PLEKHA7: variants seen among roughly 807,000 people sequenced by gnomAD.
PLEKHA7 encodes pleckstrin homology domain-containing family A member 7.
A neutral mutation model predicts 170.0 loss-of-function variants in PLEKHA7; 104 were observed. The observed-to-expected ratio is 0.61, with a 90% CI of 0.52 to 0.72. The LOEUF (loss-of-function observed/expected upper bound fraction) is 0.72, where lower values mean the gene tolerates loss of function less well. Among genes scored for constraint, PLEKHA7 ranks in the 30% least tolerant of loss-of-function variants. PLEKHA7 has a pLI of 0.00. For synonymous variants in PLEKHA7, 648 were observed against 660.8 expected, an observed-to-expected ratio of 0.98 and a Z score of 0.30; for missense variants, 1,615 against 1,671.7, an observed-to-expected ratio of 0.97 and a Z score of 0.59.
chr11:16,835,875 G>A (rs1048836995), intron 9 of PLEKHA7, among the ~76,000 whole-genome samples: 17 of 152,160 alleles, frequency 1.1e-4, no homozygotes, highest in Non-Finnish European at 2.2e-4. Flanking sequence ...TCTTTACCAT[G>A]TCCCAGTAAG....
intron 3 of PLEKHA7, among the ~76,000 whole-genome samples, chr11:16,990,018 A>C (rs558647552): frequency 1.3e-3 from 191 of 152,096 alleles, no homozygotes; most frequent in Non-Finnish European, 2.4e-3. Context: ...TGGAGACTAG[A>C]GGCTGAGCTG....
At chr11:16,914,639 G>T (rs1038675854) in intron 3 of PLEKHA7, among the ~76,000 whole-genome samples, 6 of 152,318 alleles carry the variant, frequency 3.9e-5, no homozygotes, top group African/African-American at 1.4e-4. Flanking sequence ...ATCCTGCAAA[G>T]AATTGGGACT....
chr11:16,998,842 GAA>G (rs5789967), intron 3 of PLEKHA7, among the ~76,000 whole-genome samples: 1 of 149,134 alleles, frequency 6.7e-6, no homozygotes, highest in Admixed American at 6.7e-5. Context: ...AAAATGTGTT[GAA>G]AAAAAAAAAT....
At chr11:16,850,394 T>TA (rs1483130785) in intron 8 of PLEKHA7, among the ~76,000 whole-genome samples, 4 of 152,198 alleles carry the variant, frequency 2.6e-5, no homozygotes, top group Non-Finnish European at 5.9e-5. Context: ...CAGTGCTCTC[T>TA]AGGACTTCCA....
chr11:16,975,627 T>C (rs773766260), intron 3 of PLEKHA7, among the ~76,000 whole-genome samples: 4 of 152,050 alleles, frequency 2.6e-5, no homozygotes, highest in African/African-American at 4.8e-5. Context: ...GAAAACTATA[T>C]AGTTAAGTGA....
At chr11:16,855,735 T>A (rs757362676) in intron 5 of PLEKHA7, 68 bp downstream of exon 5, 34 of 1,184,372 alleles carry the variant, frequency 2.9e-5, no homozygotes, top group Admixed American at 1.6e-4. Context: ...CAAATGGACT[T>A]CTGGTTACAA....
chr11:16,867,621 C>G (rs909819729), intron 4 of PLEKHA7, among the ~76,000 whole-genome samples: 1 of 152,214 alleles, frequency 6.6e-6, no homozygotes, highest in Non-Finnish European at 1.5e-5. Context: ...TCATGCCTCA[C>G]TCACCCTCCA....
intron 3 of PLEKHA7, among the ~76,000 whole-genome samples, chr11:16,905,353 T>A (rs1325516947): frequency 6.6e-6 from 1 of 152,240 alleles, no homozygotes; most frequent in African/African-American, 2.4e-5. Context: ...ATATGGCTGT[T>A]TTTCCCCTTT....
intron 4 of PLEKHA7, among the ~76,000 whole-genome samples, chr11:16,865,996 C>T (rs375752470): frequency 7.3e-5 from 11 of 151,650 alleles, no homozygotes; most frequent in Non-Finnish European, 1.2e-4. Flanking sequence ...CGCCACCACA[C>T]CAGGTTAATT....
chr11:16,789,677 C>A lies in PLEKHA7; in HGVS notation c.3156+98G>T. 1.8e-6 allele frequency: 2 copies of A among 1,127,332 alleles called. No individual in the cohort carries two copies. Among genetic ancestry groups the A allele is most frequent in the Admixed American group, 4.2e-5 (2 of 47,264 alleles). 69.8% of individuals were successfully genotyped at this position (1,127,332 alleles called of 1,614,324 possible). A position where few individuals can be genotyped will look rare whatever the true frequency, so the allele number is the denominator to read the frequency against. ...GGCTGAGGCCACCCCAGAGGCCATC[C>A]CCAGGGCTGAAGGGATGGCCAGTTA... is the stretch of plus-strand genomic sequence containing the variant. On this transcript the variant is annotated intron_variant, in intron 22 of 26. Coordinates refer to ENST00000531066, the MANE Select transcript of PLEKHA7 (RefSeq NM_001329630.2). The surrounding 1 kb of genome is among the most constrained non-coding windows in gnomAD (Gnocchi z 4.6).
At chr11:16,813,573 G>A (rs1467894746) in intron 12 of PLEKHA7, among the ~76,000 whole-genome samples, 1 of 152,164 alleles carries the variant, frequency 6.6e-6, no homozygotes, top group South Asian at 2.1e-4. Flanking sequence ...CTTTGGTCTG[G>A]ATCACTTCAC....
At chr11:16,923,234 AGAC>A (rs1326294087) in intron 3 of PLEKHA7, among the ~76,000 whole-genome samples, 1 of 152,226 alleles carries the variant, frequency 6.6e-6, no homozygotes, top group African/African-American at 2.4e-5. Flanking sequence ...GTGAGACGTT[AGAC>A]GGCTGGCTTG....
chr11:16,898,468 T>TA (rs976282712), intron 3 of PLEKHA7, among the ~76,000 whole-genome samples: 3 of 152,208 alleles, frequency 2.0e-5, no homozygotes, highest in African/African-American at 7.2e-5. Context: ...GACTTTGAGT[T>TA]AGTTACTTAA....
chr11:17,000,239 C>T (rs1465238235), intron 3 of PLEKHA7, among the ~76,000 whole-genome samples: 1 of 152,106 alleles, frequency 6.6e-6, no homozygotes, highest in Non-Finnish European at 1.5e-5. Context: ...CATGCATCAC[C>T]ATACCCAACT....
chr11:17,013,903 A>C, intron 3 of PLEKHA7, 86 bp downstream of exon 3: 1 of 1,396,216 alleles, frequency 7.2e-7, no homozygotes, highest in Non-Finnish European at 9.4e-7. Context: ...CGGCGGGAGC[A>C]GAGGAAGGGC....
rs1847818164 is a variant in PLEKHA7, at chr11:16,791,099, C to T, written c.2846G>A (p.Arg949Gln). The change falls in exon 20 of 27, where the codon CGG becomes CAG. Residue 949 changes from arginine to glutamine, a missense_variant. Coordinates refer to ENST00000531066, the MANE Select transcript of PLEKHA7 (RefSeq NM_001329630.2). This position sits in a 1 kb window ranked among gnomAD's most constrained non-coding sequence, Gnocchi z 4.5. ...PPLPREATII[R>Q]HTSVRGLKRQ... ...CTTGAGGCCCCGCACAGATGTGTGC[C>T]GGATGATGGTGGCCTCTCTTGGCAG... is the stretch of plus-strand genomic sequence containing the variant. 5 of 1,614,150 alleles carry T rather than the reference C, an allele frequency of 3.1e-6. No individual in the cohort carries two copies. Among genetic ancestry groups the T allele is most frequent in the Non-Finnish European group, 4.2e-6 (5 of 1,180,028 alleles).
At chr11:16,822,421 C>A (rs552051236) in intron 10 of PLEKHA7, among the ~76,000 whole-genome samples, 17 of 150,826 alleles carry the variant, frequency 1.1e-4, no homozygotes, top group Middle Eastern at 3.4e-3. Flanking sequence ...AGCAAAAGAC[C>A]CGTGAGGTTC....
At chr11:16,820,975 T>C (rs999171683) in intron 10 of PLEKHA7, among the ~76,000 whole-genome samples, 2 of 152,160 alleles carry the variant, frequency 1.3e-5, no homozygotes, top group African/African-American at 4.8e-5. Context: ...AAGTGGGTGC[T>C]TCCAGAGCAG....
intron 3 of PLEKHA7, among the ~76,000 whole-genome samples, chr11:16,912,844 G>A (rs1438212401): frequency 1.3e-5 from 2 of 152,180 alleles, no homozygotes; most frequent in Non-Finnish European, 2.9e-5. Context: ...ACTCTTTCCT[G>A]TGTGACTCGC....
Sources: allele counts gnomAD v4.1 joint callset (sites outside exome capture counted in the v4.1 genomes callset), GRCh38; gene constraint gnomAD v4.1.1; non-coding constraint Gnocchi (gnomAD v3.1); transcripts MANE v1.5; gene names NCBI Gene and HGNC (gene_info 2026-07-23, HGNC 2026-07-21).